SPATA16: variants seen among roughly 807,000 people sequenced by gnomAD.
SPATA16 encodes spermatogenesis-associated protein 16.
In SPATA16, 36 loss-of-function variants were observed where a neutral mutation model predicts 63.3. The ratio of observed to expected loss-of-function variants is 0.57; its 90% CI spans 0.44 to 0.75. The LOEUF is 0.75. Among genes scored for constraint, SPATA16 ranks in the 30% least tolerant of loss-of-function variants. SPATA16 has a pLI of 0.00. For missense variants in SPATA16, 646 were observed against 679.3 expected, an observed-to-expected ratio of 0.95 and a Z score of 0.54; for synonymous variants, 203 against 216.7, an observed-to-expected ratio of 0.94 and a Z score of 0.56.
At position 173,088,044 on chromosome 3, in the gene SPATA16, T is replaced by G. The variant is rs189022635; in HGVS notation, c.612+29076A>C. Among the ~76,000 whole-genome samples the G allele has an allele frequency of 8.4e-5, 12 of 142,186 alleles. No individual in the cohort carries two copies. The East Asian group carries it at 1.9e-3, about 23-fold the overall frequency. The allele number at this position is 142,186 out of a possible 152,430, so 93.3% of individuals were successfully genotyped here. ...TTTCTTTCTTTCTTTCTTTCTTTCTTTCTTTCTTTCTTTCTTTCTTTCTTT... is the reference window on the plus strand; with the variant it reads ...TTTCTTTCTTTCTTTCTTTCTTTCTGTCTTTCTTTCTTTCTTTCTTTCTTT... On this transcript the variant is annotated intron_variant, in intron 2 of 10. Coordinates refer to ENST00000351008, the MANE Select transcript of SPATA16 (RefSeq NM_031955.6).
chr3:173,073,142 G>A (rs1384248194), intron 2 of SPATA16, among the ~76,000 whole-genome samples: 2 of 152,190 alleles, frequency 1.3e-5, no homozygotes, highest in East Asian at 3.8e-4. Flanking sequence ...AAGCAGCAAA[G>A]CATTCAAGAG....
intron 4 of SPATA16, among the ~76,000 whole-genome samples, chr3:172,978,930 T>C (rs1734230464): frequency 6.6e-6 from 1 of 152,216 alleles, no homozygotes; most frequent in Admixed American, 6.5e-5. Context: ...GGCATTTATA[T>C]AATTGTCAAT....
intron 4 of SPATA16, among the ~76,000 whole-genome samples, chr3:173,007,965 C>G (rs557484672): frequency 6.6e-6 from 1 of 151,996 alleles, no homozygotes; most frequent in African/African-American, 2.4e-5. Context: ...ATATATTCAA[C>G]TGATATGAAT....
intron 6 of SPATA16, among the ~76,000 whole-genome samples, chr3:172,935,884 T>C (rs1732980039): frequency 6.6e-6 from 1 of 152,142 alleles, no homozygotes; most frequent in African/African-American, 2.4e-5. Flanking sequence ...ACTGCTCTGA[T>C]TGGTAACATT....
At chr3:172,939,081 G>C (rs2109598959) in intron 6 of SPATA16, among the ~76,000 whole-genome samples, 1 of 152,244 alleles carries the variant, frequency 6.6e-6, no homozygotes, top group Non-Finnish European at 1.5e-5. Context: ...CCCGCTTCAA[G>C]ATATCCTGCC....
intron 5 of SPATA16, among the ~76,000 whole-genome samples, chr3:172,968,115 G>GGGGAC (rs1195482690): frequency 6.6e-6 from 1 of 152,180 alleles, no homozygotes; most frequent in East Asian, 1.9e-4. Flanking sequence ...CCTGAGAAGC[G>GGGGAC]GGGACTGTAT....
Position 173,117,715 on chromosome 3 carries a change from C to T in SPATA16, c.17G>A (p.Ser6Asn). The T allele has an allele frequency of 6.2e-7, 1 of 1,614,134 alleles. No homozygotes were observed. Among genetic ancestry groups the T allele is most frequent in the Non-Finnish European group, 8.5e-7 (1 of 1,179,994 alleles). Residue 6 changes from serine to asparagine, a missense_variant, in exon 2 of 11, where the codon AGT becomes AAT. By Grantham distance (46) the Ser-to-Asn change is conservative (BLOSUM62 1). Coordinates refer to ENST00000351008, the MANE Select transcript of SPATA16 (RefSeq NM_031955.6). ...ATTCACTGCATTCTCCAAACTCCTA[C>T]TGCTTCCTGCATCCATCGATCCTGC... MDAGS[S>N]RSLENAVNRI...
chr3:172,921,238 A>T (rs1732609211), intron 8 of SPATA16, among the ~76,000 whole-genome samples: 1 of 152,064 alleles, frequency 6.6e-6, no homozygotes, highest in African/African-American at 2.4e-5. Flanking sequence ...TAGGGTAAAG[A>T]GTTGTCTGTT....
At position 172,923,080 on chromosome 3, in the gene SPATA16, C is replaced by T. The variant is rs190701633; in HGVS notation, c.1338+1128G>A. Among the ~76,000 whole-genome samples the T allele has an allele frequency of 5.3e-5, 8 of 152,280 alleles. No individual in the cohort carries two copies. In the South Asian group the frequency reaches 1.0e-3, roughly 20 times the overall value. The stretch of plus-strand genomic sequence containing the variant: ...ACGGATGAGATGAAATAATGCTACA[C>T]GGTGATGGTTCTGGTTAGCAAAGCT... On this transcript the variant is annotated intron_variant, in intron 8 of 10. Coordinates refer to ENST00000351008, the MANE Select transcript of SPATA16 (RefSeq NM_031955.6).
chr3:173,110,413 T>G (rs1737720287), intron 2 of SPATA16, among the ~76,000 whole-genome samples: 1 of 152,180 alleles, frequency 6.6e-6, no homozygotes, highest in African/African-American at 2.4e-5. Flanking sequence ...TAAATATAAT[T>G]AAAAGAAGAC....
intron 4 of SPATA16, among the ~76,000 whole-genome samples, chr3:172,996,066 C>T (rs1205950616): frequency 2.0e-5 from 3 of 152,076 alleles, no homozygotes; most frequent in Non-Finnish European, 2.9e-5. Flanking sequence ...ATAGCCTTAA[C>T]ACTTTTAATG....
At chr3:172,965,372 A>G (rs1733893972) in intron 5 of SPATA16, among the ~76,000 whole-genome samples, 1 of 152,216 alleles carries the variant, frequency 6.6e-6, no homozygotes, top group South Asian at 2.1e-4. Context: ...ACAGAGCTTC[A>G]GAGGGCAGAA....
At chr3:173,068,415 T>G (rs1476616183) in intron 2 of SPATA16, among the ~76,000 whole-genome samples, 1 of 152,172 alleles carries the variant, frequency 6.6e-6, no homozygotes, top group Non-Finnish European at 1.5e-5. Flanking sequence ...TTCCTTGTAA[T>G]CAGAGTTATC....
In SPATA16 at chr3:173,117,268, G is replaced by C; in HGVS notation, c.464C>G (p.Ala155Gly). The C allele has an allele frequency of 6.2e-7, 1 of 1,614,150 alleles. No homozygotes were observed. The highest frequency in any genetic ancestry group is 8.5e-7 in the Non-Finnish European group (1 of 1,180,016). ...STGSQPTCQA[A>G]EIVDPLSVHN... The stretch of plus-strand genomic sequence containing the variant: ...TACACTCAAAGGGTCTACTATTTCA[G>C]CAGCTTGGCATGTTGGCTGACTCCC... The change falls in exon 2 of 11, where the codon GCT becomes GGT. Residue 155 changes from alanine (A) to glycine (G), a missense_variant. Physicochemically the swap from Ala to Gly is moderately conservative, Grantham distance 60. Coordinates refer to ENST00000351008, the MANE Select transcript of SPATA16 (RefSeq NM_031955.6).
At chr3:172,896,516 C>T (rs1220731078) in intron 10 of SPATA16, among the ~76,000 whole-genome samples, 2 of 152,146 alleles carry the variant, frequency 1.3e-5, no homozygotes, top group African/African-American at 2.4e-5. Context: ...CCACCGTGCC[C>T]GAAACTGCCG....
intron 4 of SPATA16, among the ~76,000 whole-genome samples, chr3:173,002,917 G>T (rs1734857711): frequency 6.6e-6 from 1 of 152,086 alleles, no homozygotes; most frequent in Non-Finnish European, 1.5e-5. Context: ...ATTACCATTG[G>T]GTTGAAACTT....
At chr3:172,963,600 G>C (rs1427591987) in intron 5 of SPATA16, among the ~76,000 whole-genome samples, 2 of 152,030 alleles carry the variant, frequency 1.3e-5, no homozygotes, top group African/African-American at 2.4e-5. Context: ...TTTAGGGTTA[G>C]AGTTTTCATT....
Position 173,057,407 on chromosome 3 carries a change from CTGGCCTATAG to C in SPATA16, c.613-8323_613-8314del, listed in dbSNP as rs566883190. ...TGATTACAGGCTTGAGCCACCATAC[CTGGCCTATAG>C]TGTTTTCTTTCTTAAGAAAATAATT... On this transcript the variant is annotated intron_variant, in intron 2 of 10. Transcript: ENST00000351008. Among the ~76,000 whole-genome samples the C allele has an allele frequency of 2.4e-3, 360 of 152,128 alleles. 1 individual carries two copies. The highest frequency in any genetic ancestry group is 8.3e-3 in the African/African-American group (345 of 41,564).
At chr3:173,119,269 C>A (rs1737993482) in intron 1 of SPATA16, among the ~76,000 whole-genome samples, 2 of 152,116 alleles carry the variant, frequency 1.3e-5, no homozygotes, top group Non-Finnish European at 2.9e-5. Context: ...CACATGTATA[C>A]CTATGTAACA....
Sources: allele counts gnomAD v4.1 joint callset (sites outside exome capture counted in the v4.1 genomes callset), GRCh38; gene constraint gnomAD v4.1.1; transcripts MANE v1.5; gene names NCBI Gene and HGNC (gene_info 2026-07-23, HGNC 2026-07-21).